The following DIP2B variants were observed in gnomAD, a reference collection of about 807,000 sequenced individuals.
DIP2B encodes DIP2 acetate--CoA ligase B (putative).
DIP2B carries 76 observed loss-of-function variants against 198.0 expected under a neutral mutation model. That is an observed-to-expected ratio of 0.38 (90% CI 0.32 to 0.46). The LOEUF (loss-of-function observed/expected upper bound fraction) is 0.46. Ranked by LOEUF, DIP2B falls within the 20% of genes least tolerant of loss-of-function variation. DIP2B has a pLI of 0.99. For missense variants in DIP2B, 1,559 were observed against 1,978.4 expected, an observed-to-expected ratio of 0.79 and a Z score of 4.02; for synonymous variants, 701 against 739.1, an observed-to-expected ratio of 0.95 and a Z score of 0.84.
At chr12:50,667,277 GA>G (rs761652799) in intron 4 of DIP2B, among the ~76,000 whole-genome samples, 5 of 152,184 alleles carry the variant, frequency 3.3e-5, no homozygotes, top group Non-Finnish European at 7.3e-5. Flanking sequence ...ATTATAAACT[GA>G]AAGGCAAACT....
intron 1 of DIP2B, among the ~76,000 whole-genome samples, chr12:50,603,655 G>A (rs1435544542): frequency 6.6e-6 from 1 of 151,932 alleles, no homozygotes; most frequent in Admixed American, 6.6e-5. Flanking sequence ...CCAGGAGGTC[G>A]AGGTTGCAGC....
In DIP2B at chr12:50,738,326, AAATAAT is replaced by A. The variant is rs756149194; in HGVS notation, c.4177-1069_4177-1064del. 5.3e-5 allele frequency among the ~76,000 whole-genome samples: 8 copies of A among 151,712 alleles called. No homozygotes were observed. In the South Asian group the frequency reaches 1.3e-3, roughly 24 times the overall value. On this transcript the variant is annotated intron_variant, in intron 35 of 37. Transcript: ENST00000301180. ...CCTGATGACAGAGCAAGACTCTCAA[AAATAAT>A]AATAATAATAATAGCACCATCCAGG...
At chr12:50,506,518 A>G (rs755150491) in intron 1 of DIP2B, among the ~76,000 whole-genome samples, 1 of 152,178 alleles carries the variant, frequency 6.6e-6, no homozygotes, top group Non-Finnish European at 1.5e-5. Context: ...TAATAACCCA[A>G]TGTGTAGGAA....
chr12:50,635,812 C>T (rs929373249), intron 2 of DIP2B, among the ~76,000 whole-genome samples: 1 of 152,158 alleles, frequency 6.6e-6, no homozygotes, highest in Non-Finnish European at 1.5e-5. Flanking sequence ...ATTGGAGATA[C>T]ACAAATAAGC....
chr12:50,725,186 A>G (rs2139591052), intron 28 of DIP2B, among the ~76,000 whole-genome samples: 1 of 152,244 alleles, frequency 6.6e-6, no homozygotes. Flanking sequence ...GGGCCAAGTA[A>G]AATATTGAGA....
intron 35 of DIP2B, 26 bp downstream of exon 35, chr12:50,737,136 C>T (rs1420884525): frequency 1.9e-6 from 3 of 1,598,576 alleles, no homozygotes; most frequent in Non-Finnish European, 1.7e-6. Flanking sequence ...CATTTTTACT[C>T]TGAAAAGTCA....
chr12:50,721,848 C>T lies in DIP2B; in HGVS notation c.3166+452C>T, dbSNP rs561431489. 2.0e-4 allele frequency among the ~76,000 whole-genome samples: 30 copies of T among 152,086 alleles called. No homozygotes were observed. In the Middle Eastern group the frequency reaches 0.024, roughly 121 times the overall value. ...GAGGAATAACTGCAGAAACCAGGAA[C>T]GGTTAACTAGGAAAATAAAAGAATG... On this transcript the variant is annotated intron_variant, in intron 26 of 37. Transcript: ENST00000301180.
chr12:50,663,799 G>A (rs1254282503), intron 4 of DIP2B, among the ~76,000 whole-genome samples: 1 of 150,304 alleles, frequency 6.7e-6, no homozygotes, highest in South Asian at 2.1e-4. Context: ...GATCCCCAGA[G>A]GTCAAGGCTG....
At chr12:50,694,739 A>G (rs574275423) in intron 14 of DIP2B, among the ~76,000 whole-genome samples, 1 of 150,138 alleles carries the variant, frequency 6.7e-6, no homozygotes, top group South Asian at 2.2e-4. Context: ...AAGTCCAGGG[A>G]AGGAAGTAGG....
At chr12:50,671,428 A>G in intron 5 of DIP2B, 30 bp downstream of exon 5, 1 of 1,607,346 alleles carries the variant, frequency 6.2e-7, no homozygotes, top group Non-Finnish European at 8.5e-7. Flanking sequence ...AAGAAGCCCA[A>G]ATTACATTCC....
intron 1 of DIP2B, among the ~76,000 whole-genome samples, chr12:50,588,141 T>TC (rs963588452): frequency 4.0e-5 from 6 of 151,806 alleles, no homozygotes; most frequent in Non-Finnish European, 8.8e-5. Context: ...CTTTTCTTTT[T>TC]TTTTTCTTTT....
rs568559049 is a variant in DIP2B, at chr12:50,512,580, G to T, written c.100+7340G>T. On this transcript the variant is annotated intron_variant, in intron 1 of 37. Transcript: ENST00000301180. ...CTTGATTTTGACATAAGGTAGTGTT[G>T]TATAATCATTTGAGAAGCACATATT... Among the ~76,000 whole-genome samples, 16 of 152,326 alleles carry T rather than the reference G, an allele frequency of 1.1e-4. No homozygotes were observed. The South Asian group carries it at 3.3e-3, about 32-fold the overall frequency.
chr12:50,729,420 A>T (rs2139595712), intron 30 of DIP2B, among the ~76,000 whole-genome samples: 1 of 152,142 alleles, frequency 6.6e-6, no homozygotes, highest in South Asian at 2.1e-4. Context: ...AATTAATGGG[A>T]CTCCCCAAGA....
At chr12:50,535,546 G>GT (rs1246036779) in intron 1 of DIP2B, among the ~76,000 whole-genome samples, 1 of 151,458 alleles carries the variant, frequency 6.6e-6, no homozygotes. Flanking sequence ...TTTGTATTTT[G>GT]TTTTAGTAGA....
chr12:50,573,750 T>C (rs1297976139), intron 1 of DIP2B, among the ~76,000 whole-genome samples: 5 of 152,244 alleles, frequency 3.3e-5, no homozygotes, highest in Admixed American at 6.5e-5. Flanking sequence ...TTGCAGAATG[T>C]GTATTTTCCC....
chr12:50,657,433 T>C (rs1938573798), intron 3 of DIP2B, among the ~76,000 whole-genome samples: 1 of 152,148 alleles, frequency 6.6e-6, no homozygotes, highest in Non-Finnish European at 1.5e-5. Context: ...TAACCAACTT[T>C]GCAATTAGAG....
chr12:50,675,147 A>G (rs1032276520), intron 6 of DIP2B, among the ~76,000 whole-genome samples, 182 bp from the exon 7 acceptor site: 1 of 152,248 alleles, frequency 6.6e-6, no homozygotes, highest in African/African-American at 2.4e-5. Context: ...TGTATTAATA[A>G]TAGCACCATA....
intron 1 of DIP2B, among the ~76,000 whole-genome samples, chr12:50,575,828 C>T (rs947357966): frequency 3.3e-5 from 5 of 150,612 alleles, no homozygotes; most frequent in African/African-American, 1.2e-4. Context: ...TGCAATCTCA[C>T]CTCACTGCAG....
At chr12:50,566,983 A>AG (rs1958570039) in intron 1 of DIP2B, among the ~76,000 whole-genome samples, 1 of 151,026 alleles carries the variant, frequency 6.6e-6, no homozygotes, top group Admixed American at 6.6e-5. Context: ...AAAAAAAAAA[A>AG]AAAAAAAAAG....
Sources: gnomAD v4.1 joint callset for allele counts (sites outside exome capture counted in the v4.1 genomes callset) on GRCh38, gnomAD v4.1.1 for gene constraint, MANE v1.5 for transcripts, NCBI Gene and HGNC (gene_info 2026-07-23, HGNC 2026-07-21) for gene names.